ASAP2: variants seen among roughly 807,000 people sequenced by gnomAD.
The protein encoded by ASAP2 is arf-GAP with SH3 domain, ANK repeat and PH domain-containing protein 2.
A neutral mutation model predicts 131.4 loss-of-function variants in ASAP2; 45 were observed. The ratio of observed to expected loss-of-function variants is 0.34; its 90% CI spans 0.27 to 0.44. The LOEUF (loss-of-function observed/expected upper bound fraction) is 0.44, where lower values mean the gene tolerates loss of function less well. ASAP2 is among the 20% of genes least tolerant of loss of function. The pLI, the probability that ASAP2 is intolerant of heterozygous loss-of-function variation, is 1.00. For synonymous variants in ASAP2, 510 were observed against 503.0 expected, an observed-to-expected ratio of 1.01 and a Z score of -0.19; for missense variants, 1,011 against 1,297.0, an observed-to-expected ratio of 0.78 and a Z score of 3.39.
intron 3 of ASAP2, among the ~76,000 whole-genome samples, chr2:9,302,067 C>G (rs545517106): frequency 6.6e-6 from 1 of 151,330 alleles, no homozygotes; most frequent in Admixed American, 6.6e-5. Flanking sequence ...TCGTGATCCA[C>G]CCGCCTTGGC....
chr2:9,297,489 G>A, intron 3 of ASAP2, 44 bp downstream of exon 3: 1 of 1,609,208 alleles, frequency 6.2e-7, no homozygotes, highest in Non-Finnish European at 8.5e-7. Context: ...CTTCAGTTGG[G>A]AAAGTGGCTC....
At position 9,207,679 on chromosome 2, in the gene ASAP2, GC is replaced by G. The variant is rs1042996647; in HGVS notation, c.126+454del. On this transcript the variant is annotated intron_variant, in intron 1 of 27. Coordinates refer to ENST00000281419, the MANE Select transcript of ASAP2 (RefSeq NM_003887.3). The surrounding 1 kb of genome is among the most constrained non-coding windows in gnomAD (Gnocchi z 4.1). ...CGCCGCAGCCCCCGAGCGCCGCAGG[GC>G]CCCCACCCTCGGGTCCGCGGGTCCG... is the stretch of plus-strand genomic sequence containing the variant. 3.9e-5 allele frequency among the ~76,000 whole-genome samples: 6 copies of G among 152,136 alleles called. No individual in the cohort carries two copies. Among genetic ancestry groups the G allele is most frequent in the African/African-American group, 1.2e-4 (5 of 41,548 alleles).
chr2:9,339,575 G>A (rs1463305058), intron 9 of ASAP2, among the ~76,000 whole-genome samples: 1 of 152,130 alleles, frequency 6.6e-6, no homozygotes, highest in Non-Finnish European at 1.5e-5. Flanking sequence ...TGAGCTCCTA[G>A]GTGGTAAAGA....
chr2:9,294,143 C>T (rs1405545620), intron 2 of ASAP2, among the ~76,000 whole-genome samples: 2 of 151,890 alleles, frequency 1.3e-5, no homozygotes, highest in Non-Finnish European at 2.9e-5. Flanking sequence ...GAATTACAGG[C>T]ATGTGCCACC....
chr2:9,348,527 A>G (rs4668617), intron 11 of ASAP2, among the ~76,000 whole-genome samples: 142,173 of 152,290 alleles, frequency 0.93, 66,947 homozygotes, highest in Non-Finnish European at 1. Context: ...TACTTAATCT[A>G]TGTACTTAAT....
intron 1 of ASAP2, chr2:9,271,469 A>T: frequency 7.2e-7 from 1 of 1,396,132 alleles, no homozygotes; most frequent in Non-Finnish European, 1.0e-6. Flanking sequence ...TTTTTGGTGT[A>T]ATCATCAGCG....
At chr2:9,267,393 G>A (rs1186969721) in intron 1 of ASAP2, among the ~76,000 whole-genome samples, 1 of 152,134 alleles carries the variant, frequency 6.6e-6, no homozygotes, top group Non-Finnish European at 1.5e-5. Context: ...AGAACATGCA[G>A]TGTTTGTTTT....
chr2:9,299,399 C>A (rs1271389181), intron 3 of ASAP2, among the ~76,000 whole-genome samples: 1 of 152,114 alleles, frequency 6.6e-6, no homozygotes, highest in Non-Finnish European at 1.5e-5. Flanking sequence ...TGATGCCCAG[C>A]CAATCAAAGA....
In ASAP2 at chr2:9,284,523, C is replaced by A. The variant is rs12471083; in HGVS notation, c.199+5134C>A. ...ACTCAAAAAGCCTGTGACATTAGGA[C>A]GATTATTTTACCTTTCTGAGCCTCA... On this transcript the variant is annotated intron_variant, in intron 2 of 27. Coordinates refer to ENST00000281419, the MANE Select transcript of ASAP2 (RefSeq NM_003887.3). Among the ~76,000 whole-genome samples, 467 of 152,116 alleles carry A rather than the reference C, an allele frequency of 3.1e-3. 2 individuals carry two copies. The highest frequency in any genetic ancestry group is 0.01 in the African/African-American group (434 of 41,492).
intron 6 of ASAP2, among the ~76,000 whole-genome samples, chr2:9,326,870 T>G (rs1016677869): frequency 6.6e-6 from 1 of 152,234 alleles, no homozygotes; most frequent in African/African-American, 2.4e-5. Context: ...TTCTTTTCTG[T>G]TCATCTTTGT....
Position 9,403,286 on chromosome 2 carries a change from G to A in ASAP2, c.2980G>A (p.Gly994Ser). 6.2e-7 allele frequency: 1 copy of A among 1,614,152 alleles called. No individual in the cohort carries two copies. The highest frequency in any genetic ancestry group is 8.5e-7 in the Non-Finnish European group (1 of 1,180,034). The change falls in exon 28 of 28, where the codon GGC becomes AGC. Residue 994 changes from glycine to serine, a missense_variant. Physicochemically the swap from Gly to Ser is moderately conservative, Grantham distance 56. Transcript: ENST00000281419. ...GHIDGDPGRK[G>S]AFPVSFVHFI... ...CATTGATGGAGATCCTGGTCGCAAA[G>A]GCGCATTCCCGGTGTCATTTGTGCA...
chr2:9,284,197 G>C (rs1295099252), intron 2 of ASAP2, among the ~76,000 whole-genome samples: 2 of 152,222 alleles, frequency 1.3e-5, no homozygotes, highest in Non-Finnish European at 2.9e-5. Context: ...GTGGGCATCT[G>C]GTGGTGGAGG....
chr2:9,343,031 G>A (rs148068757), intron 9 of ASAP2, among the ~76,000 whole-genome samples: 157 of 152,232 alleles, frequency 1.0e-3, no homozygotes, highest in African/African-American at 3.3e-3. Flanking sequence ...TTCTTTCATC[G>A]TTTGGGGATG....
chr2:9,390,778 A>G (rs1313493426), intron 22 of ASAP2, among the ~76,000 whole-genome samples: 3 of 152,210 alleles, frequency 2.0e-5, no homozygotes, highest in Non-Finnish European at 4.4e-5. Context: ...CCTTCTTCAA[A>G]TGATACTGAT....
intron 22 of ASAP2, 126 bp downstream of exon 22, chr2:9,388,672 T>C (rs3811594): frequency 0.11 from 146,729 of 1,358,236 alleles, 8,722 homozygotes; most frequent in African/African-American, 0.21. Flanking sequence ...TTATTTTCTG[T>C]TTGCTTCCTA....
chr2:9,309,617 ATG>A (rs143005706), intron 3 of ASAP2, among the ~76,000 whole-genome samples: 246 of 152,256 alleles, frequency 1.6e-3, no homozygotes, highest in African/African-American at 5.6e-3. Context: ...CATACTTTAA[ATG>A]TGTGTGGTTT....
At chr2:9,208,259 C>T (rs1333525338) in intron 1 of ASAP2, among the ~76,000 whole-genome samples, 2 of 138,014 alleles carry the variant, frequency 1.4e-5, no homozygotes, top group Non-Finnish European at 3.0e-5. Flanking sequence ...TTAAATGTCT[C>T]TGGGCCAGGA....
chr2:9,258,819 C>G (rs189658891), intron 1 of ASAP2, among the ~76,000 whole-genome samples: 175 of 152,286 alleles, frequency 1.1e-3, no homozygotes, highest in African/African-American at 4.1e-3. Flanking sequence ...TTCTCTCGCT[C>G]TCTCTCCTCT....
intron 3 of ASAP2, among the ~76,000 whole-genome samples, chr2:9,301,246 G>A (rs745879084): frequency 5.9e-5 from 9 of 151,994 alleles, no homozygotes; most frequent in Admixed American, 4.6e-4. Context: ...GCTTGGAGGC[G>A]TGAAAGAATG....
Sources: gnomAD v4.1 joint callset for allele counts (sites outside exome capture counted in the v4.1 genomes callset) on GRCh38, gnomAD v4.1.1 for gene constraint, Gnocchi (gnomAD v3.1) non-coding constraint, MANE v1.5 for transcripts, NCBI Gene and HGNC (gene_info 2026-07-23, HGNC 2026-07-21) for gene names.